TPCN2: variants seen among roughly 807,000 people sequenced by gnomAD.
TPCN2 encodes two pore channel protein 2.
A neutral mutation model predicts 111.4 loss-of-function variants in TPCN2; 92 were observed. The ratio of observed to expected loss-of-function variants is 0.83; its 90% CI spans 0.70 to 0.98. The LOEUF is 0.98. Among genes scored for constraint, TPCN2 ranks in the 50% least tolerant of loss-of-function variants. The probability of loss-of-function intolerance (pLI) is 0.00; values close to 1 mark genes in which losing one functional copy is unlikely to be tolerated. For missense variants in TPCN2, 995 were observed against 980.1 expected (o/e 1.02, Z -0.20); for synonymous variants, 405 against 414.5 (o/e 0.98, Z 0.28).
At position 69,067,589 on chromosome 11, in the gene TPCN2, G is replaced by C; in HGVS notation, c.813G>C (p.Thr271=). ...CTTCCCTCCTGGTGCTGCTGACCAC[G>C]GCCAACAACCCCGATGGTGCGTGCA... ...SLTSLLVLLT[T]ANNPDVMIPA... Residue 271 remains threonine, a synonymous_variant, in exon 8 of 25, where the codon ACG becomes ACC. Transcript: ENST00000294309. The C allele has an allele frequency of 1.2e-6, 2 of 1,613,886 alleles. No individual in the cohort carries two copies. Among genetic ancestry groups the C allele is most frequent in the East Asian group, 2.2e-5 (1 of 44,874 alleles).
rs575197557 is a variant in TPCN2, at chr11:69,089,381, C to G, written c.*1428C>G. ...GCCCTGCACCCTCTGTGCTTTGGGA[C>G]GGCGTCCAACCCGCATTCATGTCAG... On this transcript the variant is annotated 3_prime_UTR_variant, in exon 25 of 25. Coordinates refer to ENST00000294309, the MANE Select transcript of TPCN2 (RefSeq NM_139075.4). The G allele has an allele frequency of 6.6e-6, 1 of 152,382 alleles. No individual in the cohort carries two copies. Among genetic ancestry groups the G allele is most frequent in the African/African-American group, 2.4e-5 (1 of 41,590 alleles). 9.4% of individuals were successfully genotyped at this position (152,382 alleles called of 1,614,324 possible).
chr11:69,055,264 G>C lies in TPCN2; in HGVS notation c.341G>C (p.Arg114Pro). The part of the protein sequence containing the change: ...SLTSTADVRY[R>P]AAPWEPPCGL... ...ACCAGCACGGCGGACGTGCGCTACCGCGCTGCTCCCTGGGAGCCGCCCTGC... is the reference window on the plus strand; with the variant it reads ...ACCAGCACGGCGGACGTGCGCTACCCCGCTGCTCCCTGGGAGCCGCCCTGC... Residue 114 changes from arginine to proline, a missense_variant, in exon 4 of 25, where the codon CGC (arginine) becomes CCC (proline). Arg to Pro is a moderately radical substitution (Grantham distance 103). Coordinates refer to ENST00000294309, the MANE Select transcript of TPCN2 (RefSeq NM_139075.4). The C allele has an allele frequency of 6.2e-7, 1 of 1,614,014 alleles. No homozygotes were observed. The highest frequency in any genetic ancestry group is 8.5e-7 in the Non-Finnish European group (1 of 1,179,942).
chr11:69,067,995 G>A (rs532041084), intron 8 of TPCN2, among the ~76,000 whole-genome samples: 139 of 152,258 alleles, frequency 9.1e-4, no homozygotes, highest in Non-Finnish European at 1.6e-3. Context: ...CGTCCTGCTG[G>A]AGCTCCACAC....
chr11:69,062,921 T>A lies in TPCN2; in HGVS notation c.584T>A (p.Leu195Gln). 1 of 1,614,010 alleles carries A rather than the reference T, an allele frequency of 6.2e-7. No individual in the cohort carries two copies. Among genetic ancestry groups the A allele is most frequent in the Non-Finnish European group, 8.5e-7 (1 of 1,179,904 alleles). The change falls in exon 6 of 25, where the codon CTG (leucine) becomes CAG (glutamine). Residue 195 changes from leucine to glutamine, a missense_variant. Transcript: ENST00000294309. ...CGCCGGCTTCTCCGTCCCTTCTTCC[T>A]GCTGCAGAACTCCTCTATGATGAAG... ...RIRRLLRPFF[L>Q]LQNSSMMKKT...
At chr11:69,084,933 C>G in intron 19 of TPCN2, 1 of 495,358 alleles carries the variant, frequency 2.0e-6, no homozygotes, top group Non-Finnish European at 2.6e-6. Flanking sequence ...AGCCTGTCCC[C>G]TAACTGTGGC....
intron 18 of TPCN2, among the ~76,000 whole-genome samples, chr11:69,082,500 A>G (rs1856062062): frequency 1.3e-5 from 2 of 152,284 alleles, no homozygotes; most frequent in Admixed American, 1.3e-4. Context: ...TCCGTGTAAG[A>G]CGCATGATCG....
intron 1 of TPCN2, among the ~76,000 whole-genome samples, chr11:69,050,514 A>G (rs1861175780): frequency 1.3e-5 from 2 of 152,094 alleles, no homozygotes; most frequent in Admixed American, 1.3e-4. Flanking sequence ...AGTAGCTGGG[A>G]CTGCAGGCGC....
chr11:69,087,391 C>T (rs1001926445), intron 24 of TPCN2, among the ~76,000 whole-genome samples, 185 bp downstream of exon 24: 2 of 152,222 alleles, frequency 1.3e-5, no homozygotes, highest in Non-Finnish European at 2.9e-5. Flanking sequence ...GCTTCTTCTT[C>T]CTGCCACTGG....
chr11:69,073,010 G>C lies in TPCN2; in HGVS notation c.1230+9G>C. 6.2e-7 allele frequency: 1 copy of C among 1,610,142 alleles called. No individual in the cohort carries two copies. The highest frequency in any genetic ancestry group is 1.1e-5 in the South Asian group (1 of 90,712). On this transcript the variant is annotated intron_variant, in intron 13 of 24. Coordinates refer to ENST00000294309, the MANE Select transcript of TPCN2 (RefSeq NM_139075.4). ...GAAGTGTGGTTAAAGAGGTAACTGG[G>C]GCCACAGCCGCCCAGGGTGGATAGT...
chr11:69,069,179 G>T (rs61881022), intron 8 of TPCN2, among the ~76,000 whole-genome samples: 1 of 63,130 alleles, frequency 1.6e-5, no homozygotes, highest in African/African-American at 4.9e-5. Flanking sequence ...AGGACTGTCT[G>T]AGTCCTAGCA....
rs1201481478 is a variant in TPCN2, at chr11:69,078,485, C to T, written c.1234C>T (p.Pro412Ser). The change falls in exon 14 of 25, where the codon CCG becomes TCG. Residue 412 changes from proline (P) to serine (S), a missense_variant. Physicochemically the swap from Pro to Ser is moderately conservative, Grantham distance 74 (BLOSUM62 -1). Transcript: ENST00000294309. The stretch of plus-strand genomic sequence containing the variant: ...AGCACGTGTGTTCCTTGCCCAGCAC[C>T]CGCCGAGGCCCGAGTACCAGTCTCC... ...ELDRSVVKEH[P>S]PRPEYQSPFL... is the part of the protein sequence containing the mutation. 2.5e-6 allele frequency: 4 copies of T among 1,614,062 alleles called. No homozygotes were observed. In the Admixed American group the frequency reaches 5.0e-5, roughly 20 times the overall value.
chr11:69,087,297 C>T, intron 24 of TPCN2, 91 bp downstream of exon 24: 2 of 1,090,716 alleles, frequency 1.8e-6, no homozygotes, highest in South Asian at 1.4e-5. Context: ...CGGGCAGGCC[C>T]TGATGACTGT....
intron 5 of TPCN2, among the ~76,000 whole-genome samples, chr11:69,058,676 G>A (rs956938360): frequency 6.6e-6 from 1 of 152,226 alleles, no homozygotes; most frequent in African/African-American, 2.4e-5. Context: ...CCCACAGCAC[G>A]GCAGAGCGGA....
Position 69,074,716 on chromosome 11 carries a change from A to G in TPCN2, c.1230+1715A>G, listed in dbSNP as rs112267147. On this transcript the variant is annotated intron_variant, in intron 13 of 24. Coordinates refer to ENST00000294309, the MANE Select transcript of TPCN2 (RefSeq NM_139075.4). ...ATTGTTACAAGGAGAAGGTGTTCGT[A>G]TGTTAGCTGTGTAACTGAGAGATAA... Among the ~76,000 whole-genome samples the G allele has an allele frequency of 9.8e-5, 15 of 152,328 alleles. 1 individual carries two copies. The highest frequency in any genetic ancestry group is 3.4e-4 in the African/African-American group (14 of 41,570).
Position 69,072,722 on chromosome 11 carries a change from G to C in TPCN2, c.1143+14G>C, listed in dbSNP as rs1855589220. ...GCCATGATGGAGGTACCCGCCCCCT[G>C]CTCCCAGCCTCCTCTGGGCTCCTCC... On this transcript the variant is annotated intron_variant, in intron 12 of 24. Transcript: ENST00000294309. 6.2e-7 allele frequency: 1 copy of C among 1,613,402 alleles called. No homozygotes were observed. Among genetic ancestry groups the C allele is most frequent in the African/African-American group, 1.3e-5 (1 of 74,922 alleles).
At chr11:69,065,707 G>A (rs1855244575) in intron 7 of TPCN2, among the ~76,000 whole-genome samples, 1 of 152,208 alleles carries the variant, frequency 6.6e-6, no homozygotes, top group Non-Finnish European at 1.5e-5. Flanking sequence ...CTTGTCCTCT[G>A]CTGGCTTTGC....
At position 69,057,579 on chromosome 11, in the gene TPCN2, G is replaced by A; in HGVS notation, c.431G>A (p.Gly144Asp). 1 of 1,614,098 alleles carries A rather than the reference G, an allele frequency of 6.2e-7. No homozygotes were observed. Among genetic ancestry groups the A allele is most frequent in the South Asian group, 1.1e-5 (1 of 91,076 alleles). ...LVFAADLSVK[G>D]YLFGWAHFQK... The stretch of plus-strand genomic sequence containing the variant: ...CTCACCCGCCCGTCTATCTTGCAGG[G>A]TTACCTGTTCGGGTGGGCCCATTTC... The change falls in exon 5 of 25, where the codon GGT (glycine) becomes GAT (aspartate). Residue 144 changes from glycine to aspartate, a missense_variant and splice_region_variant. By Grantham distance (94) the Gly-to-Asp change is moderately conservative. Coordinates refer to ENST00000294309, the MANE Select transcript of TPCN2 (RefSeq NM_139075.4).
rs181199741 is a variant in TPCN2, at chr11:69,071,940, G to A, written c.978G>A (p.Ser326=). 82 of 1,613,968 alleles carry A rather than the reference G, an allele frequency of 5.1e-5. No individual in the cohort carries two copies. In the East Asian group the frequency reaches 5.1e-4, roughly 10 times the overall value. ...RGYLMKSLQT[S]LFRRRLGTRA... ...CTTTGCAGAAATCTCTCCAGACCTC[G>A]CTGTTTCGGAGGCGGCTGGGAACCC... The change falls in exon 11 of 25, where the codon TCG becomes TCA. Residue 326 remains serine (S), a synonymous_variant. Transcript: ENST00000294309.
intron 8 of TPCN2, among the ~76,000 whole-genome samples, chr11:69,068,759 G>C (rs1287112809): frequency 8.7e-3 from 541 of 61,900 alleles, no homozygotes; most frequent in Non-Finnish European, 0.012. Flanking sequence ...TGAGTCCTAG[G>C]AAGTGACCAC....
Sources: allele counts gnomAD v4.1 joint callset (sites outside exome capture counted in the v4.1 genomes callset), GRCh38; gene constraint gnomAD v4.1.1; transcripts MANE v1.5; gene names NCBI Gene and HGNC (gene_info 2026-07-23, HGNC 2026-07-21).